Variants in SDCCAG8 observed in about 807,000 individuals in gnomAD.
SDCCAG8 encodes serologically defined colon cancer antigen 8.
SDCCAG8 carries 74 observed loss-of-function variants against 101.8 expected under a neutral mutation model. That is an observed-to-expected ratio of 0.73 (90% CI 0.60 to 0.88). The LOEUF (loss-of-function observed/expected upper bound fraction) is 0.88, where lower values mean the gene tolerates loss of function less well. Ranked by LOEUF, SDCCAG8 falls within the 40% of genes least tolerant of loss-of-function variation. The pLI is 0.00. For missense variants in SDCCAG8, 787 were observed against 822.6 expected (o/e 0.96, Z 0.53); for synonymous variants, 281 against 292.9 (o/e 0.96, Z 0.41).
At chr1:243,420,258 A>G (rs1040729535) in intron 15 of SDCCAG8, among the ~76,000 whole-genome samples, 1 of 152,202 alleles carries the variant, frequency 6.6e-6, no homozygotes, top group African/African-American at 2.4e-5. Context: ...AACATTTCTA[A>G]AGCCACACTG....
chr1:243,382,248 T>G (rs2078004573), intron 13 of SDCCAG8, among the ~76,000 whole-genome samples: 1 of 152,154 alleles, frequency 6.6e-6, no homozygotes, highest in African/African-American at 2.4e-5. Context: ...CTTTCTGGGT[T>G]GGGAGCTGGA....
chr1:243,410,530 A>T (rs1386756952), intron 13 of SDCCAG8, among the ~76,000 whole-genome samples: 1 of 152,176 alleles, frequency 6.6e-6, no homozygotes, highest in Non-Finnish European at 1.5e-5. Flanking sequence ...AAAGAGTTGT[A>T]TGTCTCACAT....
chr1:243,487,577 G>C (rs532441631), intron 16 of SDCCAG8, among the ~76,000 whole-genome samples: 2 of 152,356 alleles, frequency 1.3e-5, no homozygotes, highest in South Asian at 4.1e-4. Context: ...AGGCAGGGCA[G>C]GGCCTGGCTG....
intron 16 of SDCCAG8, among the ~76,000 whole-genome samples, chr1:243,429,695 A>ATT (rs796450909): frequency 0.026 from 2,444 of 92,874 alleles, 91 homozygotes; most frequent in African/African-American, 0.044. Flanking sequence ...TGCTCTGCTA[A>ATT]TTTTTTTTTT....
chr1:243,493,174 G>A (rs981325004), intron 17 of SDCCAG8, among the ~76,000 whole-genome samples: 14 of 133,492 alleles, frequency 1.0e-4, no homozygotes, highest in Admixed American at 9.3e-4. Flanking sequence ...TCGCACTCTC[G>A]CCCTCTTGAG....
At chr1:243,261,159 C>T (rs2067165895) in intron 1 of SDCCAG8, among the ~76,000 whole-genome samples, 1 of 152,098 alleles carries the variant, frequency 6.6e-6, no homozygotes, top group Non-Finnish European at 1.5e-5. Context: ...TTCCTTGCTC[C>T]CTCCCTCTTT....
Position 243,500,005 on chromosome 1 carries a change from A to G in SDCCAG8, c.*220A>G. The G allele has an allele frequency of 1.7e-6, 1 of 592,764 alleles. No homozygotes were observed. The highest frequency in any genetic ancestry group is 3.0e-6 in the Non-Finnish European group (1 of 332,058). 36.7% of individuals were successfully genotyped at this position (592,764 alleles called of 1,614,324 possible). On this transcript the variant is annotated 3_prime_UTR_variant, in exon 18 of 18. Transcript: ENST00000366541. Reference sequence around the variant, plus strand: ...AGCAGAGCTCCTGGTGTATGTTTTCAGAAATGGCTTGAAGTTATGTGTTTA... The same window carrying G: ...AGCAGAGCTCCTGGTGTATGTTTTCGGAAATGGCTTGAAGTTATGTGTTTA...
intron 5 of SDCCAG8, among the ~76,000 whole-genome samples, chr1:243,290,211 C>T (rs1260988298): frequency 1.3e-5 from 1 of 76,090 alleles, no homozygotes; most frequent in Non-Finnish European, 3.2e-5. Flanking sequence ...TCCCGCCCCC[C>T]GATCCCCTGC....
chr1:243,427,873 C>A (rs904389875), intron 16 of SDCCAG8, among the ~76,000 whole-genome samples: 1 of 152,154 alleles, frequency 6.6e-6, no homozygotes, highest in Non-Finnish European at 1.5e-5. Flanking sequence ...GGTCTGCAAA[C>A]GTTTTCCGTA....
chr1:243,432,450 A>G (rs2081850814), intron 16 of SDCCAG8, among the ~76,000 whole-genome samples: 1 of 152,206 alleles, frequency 6.6e-6, no homozygotes, highest in Admixed American at 6.5e-5. Context: ...TACTAGGGTG[A>G]CAGTTATAAT....
rs115523815 is a variant in SDCCAG8, at chr1:243,333,598, C to T, written c.1221+2906C>T. The stretch of plus-strand genomic sequence containing the variant: ...TTTATTTTGTCACCTCTCACTTACT[C>T]TTCAGCCCACTGCATTTCAACTTCC... On this transcript the variant is annotated intron_variant, in intron 10 of 17. Transcript: ENST00000366541. Among the ~76,000 whole-genome samples, 688 of 152,326 alleles carry T rather than the reference C, an allele frequency of 4.5e-3. 6 individuals are homozygous for T. The highest frequency in any genetic ancestry group is 0.015 in the African/African-American group (636 of 41,576).
intron 16 of SDCCAG8, among the ~76,000 whole-genome samples, chr1:243,435,971 G>A (rs6700869): frequency 6.2e-4 from 95 of 152,094 alleles, no homozygotes; most frequent in Admixed American, 1.8e-3. Context: ...ATAGCCTCCC[G>A]CATTATCAGT....
intron 13 of SDCCAG8, among the ~76,000 whole-genome samples, chr1:243,385,381 C>T (rs555953102): frequency 6.6e-6 from 1 of 152,156 alleles, no homozygotes; most frequent in African/African-American, 2.4e-5. Context: ...CAGAGCAAGA[C>T]CTTGTCTCTA....
At chr1:243,391,338 G>A (rs2078685378) in intron 13 of SDCCAG8, among the ~76,000 whole-genome samples, 1 of 152,136 alleles carries the variant, frequency 6.6e-6, no homozygotes, top group South Asian at 2.1e-4. Context: ...GGGAGACCAG[G>A]GCCCACTTCA....
At chr1:243,336,182 AG>A (rs1159066680) in intron 10 of SDCCAG8, among the ~76,000 whole-genome samples, 1 of 152,162 alleles carries the variant, frequency 6.6e-6, no homozygotes, top group Non-Finnish European at 1.5e-5. Flanking sequence ...GTAGAATGGT[AG>A]GTTCTAAGTT....
At chr1:243,429,465 G>T (rs1421907967) in intron 16 of SDCCAG8, among the ~76,000 whole-genome samples, 1 of 152,104 alleles carries the variant, frequency 6.6e-6, no homozygotes, top group Non-Finnish European at 1.5e-5. Context: ...CCCCCATGTT[G>T]CTCAAGGGCC....
chr1:243,347,036 C>T (rs990332297), intron 12 of SDCCAG8, among the ~76,000 whole-genome samples: 1 of 152,142 alleles, frequency 6.6e-6, no homozygotes, highest in Non-Finnish European at 1.5e-5. Context: ...AATCCTATTC[C>T]ATCACTCATC....
chr1:243,482,373 C>A (rs1039645306), intron 16 of SDCCAG8, among the ~76,000 whole-genome samples: 1 of 152,228 alleles, frequency 6.6e-6, no homozygotes, highest in Non-Finnish European at 1.5e-5. Context: ...CCTGTGATTT[C>A]ATCAGCATCT....
chr1:243,431,332 G>A (rs2081750372), intron 16 of SDCCAG8, among the ~76,000 whole-genome samples: 1 of 152,212 alleles, frequency 6.6e-6, no homozygotes, highest in Admixed American at 6.5e-5. Flanking sequence ...ACCAGCAGGA[G>A]TTACTTGATT....
Sources: allele counts gnomAD v4.1 joint callset (sites outside exome capture counted in the v4.1 genomes callset), GRCh38; gene constraint gnomAD v4.1.1; transcripts MANE v1.5; gene names NCBI Gene and HGNC (gene_info 2026-07-23, HGNC 2026-07-21).